The following PPP6R3 variants were observed in gnomAD, a reference collection of about 807,000 sequenced individuals.
PPP6R3 encodes protein phosphatase 6 regulatory subunit 3, also known as serine/threonine-protein phosphatase 6 regulatory subunit 3.
In PPP6R3, 38 loss-of-function variants were observed where a neutral mutation model predicts 110.7. The ratio of observed to expected loss-of-function variants is 0.34; its 90% CI spans 0.26 to 0.45. The LOEUF (loss-of-function observed/expected upper bound fraction) is 0.45, where lower values mean the gene tolerates loss of function less well. Among genes scored for constraint, PPP6R3 ranks in the 20% least tolerant of loss-of-function variants. The pLI, the probability that PPP6R3 is intolerant of heterozygous loss-of-function variation, is 1.00. For missense variants in PPP6R3, 870 were observed against 1,062.4 expected, an observed-to-expected ratio of 0.82 and a Z score of 2.52; for synonymous variants, 369 against 373.5, an observed-to-expected ratio of 0.99 and a Z score of 0.14.
At chr11:68,534,438 A>G (rs1055463716) in intron 2 of PPP6R3, among the ~76,000 whole-genome samples, 2 of 152,204 alleles carry the variant, frequency 1.3e-5, no homozygotes, top group African/African-American at 4.8e-5. Flanking sequence ...TTGGTTTGCC[A>G]ACACCTTCTT....
intron 1 of PPP6R3, among the ~76,000 whole-genome samples, chr11:68,463,144 C>T (rs1425812507): frequency 1.3e-5 from 2 of 152,016 alleles, no homozygotes; most frequent in African/African-American, 4.8e-5. Context: ...GAGGCCGAGG[C>T]TGGCGGATCA....
chr11:68,550,084 A>T (rs2099364936), intron 5 of PPP6R3, among the ~76,000 whole-genome samples: 1 of 152,212 alleles, frequency 6.6e-6, no homozygotes. Context: ...ATCACTTGTG[A>T]GCTTGTTAGA....
chr11:68,602,053 G>A, intron 21 of PPP6R3, 84 bp downstream of exon 21: 1 of 1,090,366 alleles, frequency 9.2e-7, no homozygotes, highest in East Asian at 2.5e-5. Flanking sequence ...TCAGGGGCTA[G>A]TGGAGCCCGG....
intron 1 of PPP6R3, among the ~76,000 whole-genome samples, chr11:68,465,368 C>A (rs1394312422): frequency 6.6e-6 from 1 of 152,144 alleles, no homozygotes; most frequent in Admixed American, 6.5e-5. Flanking sequence ...GAGAAGTGTT[C>A]TTTTCTCCTG....
intron 19 of PPP6R3, among the ~76,000 whole-genome samples, chr11:68,599,387 A>T (rs1276613803): frequency 6.6e-6 from 1 of 152,196 alleles, no homozygotes; most frequent in African/African-American, 2.4e-5. Context: ...ATTAGACCCA[A>T]ACTTGGCCAG....
At position 68,528,949 on chromosome 11, in the gene PPP6R3, T is replaced by C. The variant is rs189058833; in HGVS notation, c.-6-8710T>C. Reference sequence around the variant, plus strand: ...AACAGCCTTGCCTCAGCTTGGTGGTTGAGTACATCCTGTTCCCCAGCCTGC... The same window carrying C: ...AACAGCCTTGCCTCAGCTTGGTGGTCGAGTACATCCTGTTCCCCAGCCTGC... On this transcript the variant is annotated intron_variant, in intron 2 of 23. Coordinates refer to ENST00000393800, the MANE Select transcript of PPP6R3 (RefSeq NM_001164161.2). Among the ~76,000 whole-genome samples the C allele has an allele frequency of 1.5e-4, 23 of 152,266 alleles. No homozygotes were observed. In the East Asian group the frequency reaches 2.1e-3, roughly 14 times the overall value.
At chr11:68,599,940 A>G (rs1319537525) in intron 19 of PPP6R3, among the ~76,000 whole-genome samples, 6 of 152,222 alleles carry the variant, frequency 3.9e-5, no homozygotes, top group Middle Eastern at 3.4e-3. Flanking sequence ...TGGCTAACAC[A>G]GTGAAACCTG....
At position 68,558,611 on chromosome 11, in the gene PPP6R3, G is replaced by A. The variant is rs748696755; in HGVS notation, c.777G>A (p.Glu259=). 7 of 1,613,230 alleles carry A rather than the reference G, an allele frequency of 4.3e-6. No homozygotes were observed. Among genetic ancestry groups the A allele is most frequent in the Non-Finnish European group, 5.9e-6 (7 of 1,179,712 alleles). Residue 259 remains glutamate (E), a synonymous_variant, in exon 8 of 24, where the codon GAG becomes GAA. Coordinates refer to ENST00000393800, the MANE Select transcript of PPP6R3 (RefSeq NM_001164161.2). ...EQLLSNIFHK[E]KNESAIVSAI... is the part of the protein sequence containing the mutation. ...TTCTATCAAATATTTTCCACAAGGA[G>A]AAAAATGAGTCAGCCATAGTCAGTG...
At chr11:68,478,653 T>C (rs1018078950) in intron 1 of PPP6R3, among the ~76,000 whole-genome samples, 7 of 111,414 alleles carry the variant, frequency 6.3e-5, no homozygotes, top group Non-Finnish European at 3.6e-5. Context: ...GTAAGTTTTT[T>C]TTTTTTTTTT....
chr11:68,549,814 T>G (rs1297293866), intron 5 of PPP6R3, among the ~76,000 whole-genome samples: 2 of 152,078 alleles, frequency 1.3e-5, no homozygotes, highest in African/African-American at 2.4e-5. Context: ...GATAAAGGTG[T>G]AGGTTGGGGA....
Position 68,579,828 on chromosome 11 carries a change from G to A in PPP6R3, c.1546-3215G>A, listed in dbSNP as rs562395716. The stretch of plus-strand genomic sequence containing the variant: ...TCCAGTTGCCTCAGTATTCAGTGCA[G>A]TACTGTGCTGTGCAGGTGTGTAGCC... On this transcript the variant is annotated intron_variant, in intron 14 of 23. Transcript: ENST00000393800. Among the ~76,000 whole-genome samples the A allele has an allele frequency of 2.6e-5, 4 of 152,346 alleles. No individual in the cohort carries two copies. In the South Asian group the frequency reaches 8.3e-4, roughly 32 times the overall value.
chr11:68,609,824 T>TCTG (rs1347409013), intron 22 of PPP6R3, 80 bp from the exon 23 acceptor site: 6 of 1,600,046 alleles, frequency 3.7e-6, no homozygotes, highest in Non-Finnish European at 8.5e-7. Context: ...TCCAGAGCCA[T>TCTG]CTGCATGTGA....
At chr11:68,553,173 A>T (rs533636509) in intron 6 of PPP6R3, among the ~76,000 whole-genome samples, 8 of 152,302 alleles carry the variant, frequency 5.3e-5, no homozygotes, top group African/African-American at 1.7e-4. Context: ...TTCTTAATCC[A>T]GAGAATAAAA....
At chr11:68,552,125 G>A (rs748234505) in intron 6 of PPP6R3, among the ~76,000 whole-genome samples, 5 of 152,156 alleles carry the variant, frequency 3.3e-5, no homozygotes, top group African/African-American at 4.8e-5. Context: ...TGGCCAAGCC[G>A]TATAAAATTG....
At chr11:68,609,841 C>T in intron 22 of PPP6R3, 63 bp from the exon 23 acceptor site, 5 of 1,606,650 alleles carry the variant, frequency 3.1e-6, no homozygotes, top group Non-Finnish European at 4.3e-6. Context: ...GTGACCTCAT[C>T]CTCTGGTGCC....
intron 1 of PPP6R3, among the ~76,000 whole-genome samples, chr11:68,484,669 C>T (rs544808301): frequency 1.4e-4 from 21 of 152,046 alleles, no homozygotes; most frequent in African/African-American, 5.1e-4. Flanking sequence ...CTCACTGCAA[C>T]CTCTGCCTCC....
intron 14 of PPP6R3, among the ~76,000 whole-genome samples, chr11:68,581,321 A>C (rs533439463): frequency 2.6e-5 from 4 of 152,182 alleles, no homozygotes; most frequent in Non-Finnish European, 5.9e-5. Flanking sequence ...TAGTTCAATA[A>C]AAGTTAGTTT....
chr11:68,486,200 G>A (rs893457076), intron 1 of PPP6R3, among the ~76,000 whole-genome samples: 1 of 151,956 alleles, frequency 6.6e-6, no homozygotes, highest in Middle Eastern at 3.4e-3. Flanking sequence ...TTTTGTTGAG[G>A]ATTTTTATAT....
chr11:68,507,315 C>T (rs1005275805), intron 1 of PPP6R3, among the ~76,000 whole-genome samples: 14 of 147,844 alleles, frequency 9.5e-5, no homozygotes, highest in Admixed American at 5.4e-4. Context: ...GTTCCTACCT[C>T]GGGCTGTACT....
Sources: gnomAD v4.1 joint callset for allele counts (sites outside exome capture counted in the v4.1 genomes callset) on GRCh38, gnomAD v4.1.1 for gene constraint, MANE v1.5 for transcripts, NCBI Gene and HGNC (gene_info 2026-07-23, HGNC 2026-07-21) for gene names.